The following METTL15 variants were observed in gnomAD, a reference collection of about 807,000 sequenced individuals.
METTL15 encodes the protein 12S rRNA N(4)-cytidine methyltransferase METTL15.
Under a neutral mutation model 38.3 loss-of-function variants are expected in METTL15, and 34 were observed. The observed-to-expected ratio is 0.89, with a 90% CI of 0.68 to 1.18. The LOEUF (loss-of-function observed/expected upper bound fraction) is 1.18. METTL15 is among the 50% of genes most tolerant of loss of function. METTL15 has a pLI of 0.00. For synonymous variants in METTL15, 162 were observed against 170.9 expected (o/e 0.95, Z 0.41); for missense variants, 438 against 498.4 (o/e 0.88, Z 1.15).
At chr11:28,491,537 A>T (rs900848505) in intron 6 of METTL15, among the ~76,000 whole-genome samples, 1 of 152,062 alleles carries the variant, frequency 6.6e-6, no homozygotes, top group Non-Finnish European at 1.5e-5. Flanking sequence ...ATAAACAGGG[A>T]TGGGATTCAG....
At position 28,400,884 on chromosome 11, in the gene METTL15, G is replaced by A. The variant is rs565102639; in HGVS notation, c.*359-23415G>A. On this transcript the variant is annotated intron_variant and NMD_transcript_variant, in intron 5 of 7. Coordinates refer to the METTL15 transcript ENST00000532947. ...AATCACCATTGAATTGAACAGAATT[G>A]AAAACACTGAAGAGCAGTGACTTAT... Among the ~76,000 whole-genome samples the A allele has an allele frequency of 2.0e-5, 3 of 152,046 alleles. No homozygotes were observed. The South Asian group carries it at 6.2e-4, about 32-fold the overall frequency.
chr11:28,417,759 G>A (rs1270895621), intron 5 of METTL15, among the ~76,000 whole-genome samples: 1 of 152,170 alleles, frequency 6.6e-6, no homozygotes, highest in Non-Finnish European at 1.5e-5. Flanking sequence ...TGAGGGGCAG[G>A]TGGCTGAGGA....
chr11:28,219,901 G>A (rs1466775473), intron 4 of METTL15, among the ~76,000 whole-genome samples: 3 of 151,972 alleles, frequency 2.0e-5, no homozygotes, highest in African/African-American at 7.2e-5. Flanking sequence ...TGATTTCTAG[G>A]TTGATTGCAC....
intron 3 of METTL15, among the ~76,000 whole-genome samples, chr11:28,193,493 A>T (rs1291498701): frequency 2.0e-5 from 3 of 152,106 alleles, no homozygotes; most frequent in Non-Finnish European, 2.9e-5. Context: ...GTACTAAACC[A>T]TTAGAAACCA....
chr11:28,471,192 C>A (rs1322962881), intron 6 of METTL15, among the ~76,000 whole-genome samples: 1 of 152,000 alleles, frequency 6.6e-6, no homozygotes, highest in Non-Finnish European at 1.5e-5. Flanking sequence ...AGCCTGATTT[C>A]CTCCAGAGTA....
intron 6 of METTL15, among the ~76,000 whole-genome samples, chr11:28,431,961 G>T (rs1176512218): frequency 6.6e-6 from 1 of 152,112 alleles, no homozygotes; most frequent in Non-Finnish European, 1.5e-5. Context: ...GCCCATCATA[G>T]GATTCTCAAC....
At chr11:28,227,366 C>T (rs1160063445) in intron 4 of METTL15, among the ~76,000 whole-genome samples, 1 of 151,664 alleles carries the variant, frequency 6.6e-6, no homozygotes, top group East Asian at 1.9e-4. Flanking sequence ...AGCGTATGAT[C>T]TCAGGAATAT....
chr11:28,242,687 A>G (rs547656782), intron 4 of METTL15, among the ~76,000 whole-genome samples: 1 of 152,266 alleles, frequency 6.6e-6, no homozygotes, highest in Non-Finnish European at 1.5e-5. Context: ...AATGATAACA[A>G]CAGTTTGAAG....
At chr11:28,191,416 T>C (rs1048497252) in intron 3 of METTL15, among the ~76,000 whole-genome samples, 3 of 151,428 alleles carry the variant, frequency 2.0e-5, no homozygotes, top group Admixed American at 6.6e-5. Flanking sequence ...GGGATTAAAA[T>C]AGAAGATCTG....
rs1852624733 is a variant in METTL15, at chr11:28,211,178, A to G, written c.387A>G (p.Glu129=). Residue 129 remains glutamate, a synonymous_variant, in exon 4 of 7, where the codon GAA becomes GAG. Transcript: ENST00000407364. ...DRDPTAYALA[E]HLSELYPKQI... is the part of the protein sequence containing the mutation. ...ACCCAACAGCTTATGCATTAGCTGA[A>G]CATCTTTCAGAGTTGTATCCGTAAG... is the stretch of plus-strand genomic sequence containing the variant. 6.2e-7 allele frequency: 1 copy of G among 1,609,662 alleles called. No individual in the cohort carries two copies. The highest frequency in any genetic ancestry group is 8.5e-7 in the Non-Finnish European group (1 of 1,178,192).
intron 4 of METTL15, among the ~76,000 whole-genome samples, chr11:28,236,290 T>A (rs1302850311): frequency 1.3e-5 from 2 of 152,148 alleles, no homozygotes; most frequent in Non-Finnish European, 2.9e-5. Flanking sequence ...TGTCTCTGCC[T>A]GGCTTTGGTG....
At chr11:28,302,250 C>A (rs1371023981) in intron 6 of METTL15, among the ~76,000 whole-genome samples, 14 of 152,090 alleles carry the variant, frequency 9.2e-5, no homozygotes, top group Admixed American at 9.2e-4. Context: ...ATACAGTTAA[C>A]AAAGTGCACA....
At chr11:28,473,457 A>G (rs577544503) in intron 6 of METTL15, among the ~76,000 whole-genome samples, 2 of 152,318 alleles carry the variant, frequency 1.3e-5, no homozygotes, top group East Asian at 3.9e-4. Flanking sequence ...CATACTTATT[A>G]CATGTCTAAC....
intron 3 of METTL15, among the ~76,000 whole-genome samples, chr11:28,194,152 C>CTT: frequency 9.0e-6 from 1 of 111,442 alleles, no homozygotes; most frequent in South Asian, 3.3e-4. Context: ...TTCTTTCTTT[C>CTT]TTTCTTTCTT....
chr11:28,433,348 A>C (rs1416402932), intron 6 of METTL15, among the ~76,000 whole-genome samples: 3 of 152,176 alleles, frequency 2.0e-5, no homozygotes, highest in Non-Finnish European at 4.4e-5. Flanking sequence ...TCCCAATAAG[A>C]GAGGAAGAAT....
intron 4 of METTL15, among the ~76,000 whole-genome samples, chr11:28,232,459 C>T (rs147228664): frequency 9.2e-5 from 14 of 151,462 alleles, no homozygotes; most frequent in East Asian, 3.9e-4. Context: ...GTTTGGCATG[C>T]GAACTCCTAT....
intron 5 of METTL15, among the ~76,000 whole-genome samples, chr11:28,408,326 C>A (rs1850692651): frequency 6.6e-6 from 1 of 151,972 alleles, no homozygotes; most frequent in Admixed American, 6.6e-5. Flanking sequence ...ATAATTACAT[C>A]ACATTAAAAA....
At chr11:28,391,394 G>A (rs897362213) in intron 5 of METTL15, among the ~76,000 whole-genome samples, 4 of 151,956 alleles carry the variant, frequency 2.6e-5, no homozygotes, top group African/African-American at 7.2e-5. Flanking sequence ...ATTATTTTGA[G>A]ATACGTCCCA....
chr11:28,250,125 T>A (rs140982792), intron 4 of METTL15, among the ~76,000 whole-genome samples: 103 of 152,252 alleles, frequency 6.8e-4, no homozygotes, highest in African/African-American at 2.3e-3. Flanking sequence ...AGTGTACTAT[T>A]GATGGGCATT....
Sources: gnomAD v4.1 joint callset for allele counts (sites outside exome capture counted in the v4.1 genomes callset) on GRCh38, gnomAD v4.1.1 for gene constraint, MANE v1.5 for transcripts, NCBI Gene and HGNC (gene_info 2026-07-23, HGNC 2026-07-21) for gene names.